Variants in CHST11 observed in about 807,000 individuals in gnomAD.
The protein encoded by CHST11 is carbohydrate sulfotransferase 11.
In CHST11, 9 loss-of-function variants were observed where a neutral mutation model predicts 30.4. The ratio of observed to expected loss-of-function variants is 0.30; its 90% CI spans 0.18 to 0.52. The LOEUF (loss-of-function observed/expected upper bound fraction) is 0.52, where lower values mean the gene tolerates loss of function less well. Ranked by LOEUF, CHST11 falls within the 20% of genes least tolerant of loss-of-function variation. CHST11 has a pLI of 0.97. For missense variants in CHST11, 348 were observed against 460.6 expected, an observed-to-expected ratio of 0.76 and a Z score of 2.24; for synonymous variants, 152 against 187.8, an observed-to-expected ratio of 0.81 and a Z score of 1.56.
intron 2 of CHST11, among the ~76,000 whole-genome samples, chr12:104,636,705 G>A (rs1253212411): frequency 6.6e-6 from 1 of 152,108 alleles, no homozygotes; most frequent in Admixed American, 6.5e-5. Flanking sequence ...TTCTTTATCT[G>A]TAAAATGGGA....
chr12:104,698,852 T>G (rs1053408741), intron 2 of CHST11, among the ~76,000 whole-genome samples: 2 of 152,248 alleles, frequency 1.3e-5, no homozygotes, highest in African/African-American at 2.4e-5. Flanking sequence ...ACTGTTTACT[T>G]GGAAACTCTT....
At chr12:104,463,871 C>T (rs2135949657) in intron 1 of CHST11, among the ~76,000 whole-genome samples, 1 of 152,160 alleles carries the variant, frequency 6.6e-6, no homozygotes, top group African/African-American at 2.4e-5. Context: ...GTGCCCAGAG[C>T]AGAGGGACGG....
intron 1 of CHST11, among the ~76,000 whole-genome samples, chr12:104,490,457 G>A (rs772233072): frequency 9.2e-5 from 14 of 152,206 alleles, no homozygotes; most frequent in Non-Finnish European, 1.6e-4. Context: ...TGCAGTTGGT[G>A]CCGAAGTGTT....
At chr12:104,596,402 C>A (rs2038907289) in intron 1 of CHST11, among the ~76,000 whole-genome samples, 1 of 152,160 alleles carries the variant, frequency 6.6e-6, no homozygotes, top group Non-Finnish European at 1.5e-5. Flanking sequence ...GGAGCAGAGA[C>A]CCATCTGGAC....
At position 104,757,327 on chromosome 12, in the gene CHST11, G is replaced by A. The variant is rs200986753; in HGVS notation, c.583G>A (p.Ala195Thr). Reference protein sequence around the residue: ...VREPFERLVSAYRNKFTQKYN... With the variant: ...VREPFERLVSTYRNKFTQKYN... ...GGAGCCCTTCGAGAGGCTAGTGTCC[G>A]CCTACCGCAACAAGTTCACCCAGAA... Residue 195 changes from alanine (A) to threonine (T), a missense_variant, in exon 3 of 3, where the codon GCC (alanine) becomes ACC (threonine). This residue lies in a region of CHST11 where 210 missense variants were observed against 287.2 expected (regional missense o/e 0.73). Coordinates refer to ENST00000303694, the MANE Select transcript of CHST11 (RefSeq NM_018413.6). The surrounding 1 kb of genome is among the most constrained non-coding windows in gnomAD (Gnocchi z 6.5). 3.1e-6 allele frequency: 5 copies of A among 1,612,738 alleles called. No individual in the cohort carries two copies. The highest frequency in any genetic ancestry group is 4.2e-6 in the Non-Finnish European group (5 of 1,179,886).
chr12:104,757,040 G>T lies in CHST11; in HGVS notation c.296G>T (p.Arg99Leu), dbSNP rs138320785. Residue 99 changes from arginine to leucine, a missense_variant, in exon 3 of 3, where the codon CGG becomes CTG. By Grantham distance (102) the Arg-to-Leu change is moderately radical (BLOSUM62 -2). Around this residue, in one of 3 missense-constraint regions of CHST11, gnomAD observed 135 missense variants for 155.8 expected, o/e 0.87. Transcript: ENST00000303694. This position sits in a 1 kb window ranked among gnomAD's most constrained non-coding sequence, Gnocchi z 6.5. ...GCCAACAGCGCCACAAGCCGTAAGC[G>T]GAGGGTGCTGACCCCCAACGACCTG... The part of the protein sequence containing the change: ...CRANSATSRK[R>L]RVLTPNDLKH... 1 of 1,614,106 alleles carries T rather than the reference G, an allele frequency of 6.2e-7. No individual in the cohort carries two copies. Among genetic ancestry groups the T allele is most frequent in the Non-Finnish European group, 8.5e-7 (1 of 1,180,024 alleles).
chr12:104,623,289 TAATGCCTCCCTC>T (rs1037721397), intron 2 of CHST11, among the ~76,000 whole-genome samples: 3 of 152,204 alleles, frequency 2.0e-5, no homozygotes, highest in African/African-American at 7.2e-5. Flanking sequence ...ATGGGAATAA[TAATGCCTCCCTC>T]AAGAGCTGGT....
At position 104,706,967 on chromosome 12, in the gene CHST11, G is replaced by T. The variant is rs577173414; in HGVS notation, c.205-49982G>T. ...TGAGGTCCATTTCCACCCTTTGGCG[G>T]CATAGACTGGAAAGAAAATACGGGA... On this transcript the variant is annotated intron_variant, in intron 2 of 2. Coordinates refer to ENST00000303694, the MANE Select transcript of CHST11 (RefSeq NM_018413.6). Among the ~76,000 whole-genome samples the T allele has an allele frequency of 2.1e-4, 32 of 152,236 alleles. No homozygotes were observed. In the South Asian group the frequency reaches 6.6e-3, roughly 32 times the overall value.
intron 1 of CHST11, among the ~76,000 whole-genome samples, chr12:104,559,364 T>C (rs1009921191): frequency 1.3e-5 from 2 of 152,252 alleles, no homozygotes; most frequent in Non-Finnish European, 2.9e-5. Context: ...CCAGCCTTCA[T>C]TCCAGGACTA....
intron 1 of CHST11, among the ~76,000 whole-genome samples, chr12:104,487,532 T>C (rs1290531776): frequency 6.6e-6 from 1 of 152,230 alleles, no homozygotes; most frequent in East Asian, 1.9e-4. Context: ...AAAGTGTTAG[T>C]ATTACAGGCA....
chr12:104,665,794 C>G (rs1462274751), intron 2 of CHST11, among the ~76,000 whole-genome samples: 2 of 133,954 alleles, frequency 1.5e-5, no homozygotes, highest in Non-Finnish European at 3.2e-5. Context: ...TTCCCTTTCT[C>G]TTTCTCTCTC....
chr12:104,469,279 T>C (rs554445659), intron 1 of CHST11, among the ~76,000 whole-genome samples: 115 of 152,380 alleles, frequency 7.5e-4, no homozygotes, highest in Non-Finnish European at 1.3e-3. Context: ...CAAAACTGTG[T>C]AGCAATTTGC....
rs578152302 is a variant in CHST11 at position 104,470,428 on chromosome 12, A to C, written c.118+12899A>C. On this transcript the variant is annotated intron_variant, in intron 1 of 2. Coordinates refer to ENST00000303694, the MANE Select transcript of CHST11 (RefSeq NM_018413.6). ...GATCTCATGAGACTCACTCACTATCATGAGAACAGCATGGGGGAAACCACC... is the reference window on the plus strand; with the variant it reads ...GATCTCATGAGACTCACTCACTATCCTGAGAACAGCATGGGGGAAACCACC... Among the ~76,000 whole-genome samples the C allele has an allele frequency of 7.9e-5, 12 of 152,282 alleles. No individual in the cohort carries two copies. The South Asian group carries it at 2.5e-3, about 32-fold the overall frequency.
intron 1 of CHST11, among the ~76,000 whole-genome samples, chr12:104,517,058 A>G (rs1565971576): frequency 6.6e-6 from 1 of 152,122 alleles, no homozygotes; most frequent in Non-Finnish European, 1.5e-5. Flanking sequence ...TCTCCATCAT[A>G]GCTGTTACTG....
chr12:104,658,571 A>G (rs1447553331), intron 2 of CHST11, among the ~76,000 whole-genome samples: 2 of 152,136 alleles, frequency 1.3e-5, no homozygotes, highest in African/African-American at 2.4e-5. Flanking sequence ...CGTGTACCTT[A>G]CATTCCATGG....
At chr12:104,586,587 T>C (rs899069114) in intron 1 of CHST11, among the ~76,000 whole-genome samples, 1 of 152,264 alleles carries the variant, frequency 6.6e-6, no homozygotes, top group Admixed American at 6.5e-5. Context: ...TCTGAAGCCA[T>C]GGGGGAACCC....
At chr12:104,579,738 C>T (rs1333147741) in intron 1 of CHST11, among the ~76,000 whole-genome samples, 3 of 152,188 alleles carry the variant, frequency 2.0e-5, no homozygotes, top group Non-Finnish European at 4.4e-5. Flanking sequence ...AAATCTGTTG[C>T]CCGCTCTAAT....
chr12:104,666,223 A>G (rs868048651), intron 2 of CHST11, among the ~76,000 whole-genome samples: 5 of 152,226 alleles, frequency 3.3e-5, no homozygotes, highest in Admixed American at 1.3e-4. Context: ...GGTTTAGAAT[A>G]TGCTTAGCAT....
At chr12:104,484,126 C>T (rs1483379332) in intron 1 of CHST11, among the ~76,000 whole-genome samples, 5 of 152,144 alleles carry the variant, frequency 3.3e-5, no homozygotes, top group Non-Finnish European at 5.9e-5. Flanking sequence ...CAGAGTGACC[C>T]ATTTCCTAAT....
Sources: allele counts gnomAD v4.1 joint callset (sites outside exome capture counted in the v4.1 genomes callset), GRCh38; gene constraint gnomAD v4.1.1; regional missense constraint gnomAD v4.1.1; non-coding constraint Gnocchi (gnomAD v3.1); transcripts MANE v1.5; gene names NCBI Gene and HGNC (gene_info 2026-07-23, HGNC 2026-07-21).